The following RAB31 variants were observed in gnomAD, a reference collection of about 807,000 sequenced individuals.
RAB31 encodes the protein RAB31, member RAS oncogene family, also known as ras-related protein Rab-31.
Under a neutral mutation model 25.6 loss-of-function variants are expected in RAB31, and 21 were observed. The observed-to-expected ratio is 0.82, with a 90% CI of 0.58 to 1.18. The LOEUF is 1.18. RAB31 is among the 50% of genes most tolerant of loss of function. RAB31 has a pLI of 0.00. For synonymous variants in RAB31, 87 were observed against 84.0 expected, an observed-to-expected ratio of 1.04 and a Z score of -0.20; for missense variants, 196 against 250.1, an observed-to-expected ratio of 0.78 and a Z score of 1.46.
intron 1 of RAB31, 39 bp from the exon 2 acceptor site, chr18:9,775,239 G>A (rs753316756): frequency 1.2e-5 from 19 of 1,612,742 alleles, no homozygotes; most frequent in Middle Eastern, 1.6e-4. Context: ...GTGAGTTGCC[G>A]CCCTTCATCT....
chr18:9,827,756 A>T (rs1009165810), intron 5 of RAB31, among the ~76,000 whole-genome samples: 2 of 152,220 alleles, frequency 1.3e-5, no homozygotes, highest in African/African-American at 4.8e-5. Context: ...ATCAGCTCTC[A>T]GTCATTTGAT....
chr18:9,845,846 C>T (rs1309061935), intron 6 of RAB31, among the ~76,000 whole-genome samples, 155 bp downstream of exon 6: 4 of 152,164 alleles, frequency 2.6e-5, no homozygotes, highest in African/African-American at 9.7e-5. Context: ...GTTGTTAATA[C>T]CCACTTCTAT....
chr18:9,788,076 A>G, intron 2 of RAB31, among the ~76,000 whole-genome samples: 1 of 152,258 alleles, frequency 6.6e-6, no homozygotes, highest in East Asian at 1.9e-4. Flanking sequence ...GAAATATTTT[A>G]TTCAATTATT....
intron 1 of RAB31, among the ~76,000 whole-genome samples, chr18:9,740,581 C>T (rs563697381): frequency 1.3e-4 from 20 of 151,984 alleles, no homozygotes; most frequent in Admixed American, 7.9e-4. Flanking sequence ...GGCGTGGTGG[C>T]GCACACCTGT....
intron 1 of RAB31, among the ~76,000 whole-genome samples, chr18:9,733,212 A>G (rs1449063652): frequency 2.0e-5 from 3 of 152,220 alleles, no homozygotes; most frequent in Non-Finnish European, 4.4e-5. Flanking sequence ...TTGTGAGTCT[A>G]TAAGTTAGGA....
chr18:9,792,252 T>G lies in RAB31; in HGVS notation c.201+17T>G, dbSNP rs749307516. On this transcript the variant is annotated intron_variant, in intron 3 of 6. Transcript: ENST00000578921. ...CAGGAACGGGTGAGTATATGCTGTTTTTTGGTGAAAACAAGATCCAGTGAA... is the reference window on the plus strand; with the variant it reads ...CAGGAACGGGTGAGTATATGCTGTTGTTTGGTGAAAACAAGATCCAGTGAA... The G allele has an allele frequency of 6.2e-7, 1 of 1,604,016 alleles. No individual in the cohort carries two copies. Among genetic ancestry groups the G allele is most frequent in the Non-Finnish European group, 8.5e-7 (1 of 1,174,548 alleles).
At chr18:9,846,592 C>T (rs946897600) in intron 6 of RAB31, among the ~76,000 whole-genome samples, 3 of 152,168 alleles carry the variant, frequency 2.0e-5, no homozygotes, top group African/African-American at 7.2e-5. Context: ...TAATTGTCCT[C>T]AAATATCTTA....
chr18:9,714,819 G>T (rs1031144385), intron 1 of RAB31, among the ~76,000 whole-genome samples: 1 of 152,202 alleles, frequency 6.6e-6, no homozygotes, highest in Non-Finnish European at 1.5e-5. Context: ...CCAGCAGTGA[G>T]CTCTGTGGCA....
At chr18:9,774,556 T>C (rs910742907) in intron 1 of RAB31, among the ~76,000 whole-genome samples, 1 of 152,226 alleles carries the variant, frequency 6.6e-6, no homozygotes, top group African/African-American at 2.4e-5. Flanking sequence ...TTTGTTGATA[T>C]CACTTGTCTG....
chr18:9,854,059 G>A (rs1331788555), intron 6 of RAB31, among the ~76,000 whole-genome samples: 6 of 149,286 alleles, frequency 4.0e-5, no homozygotes, highest in South Asian at 2.1e-4. Context: ...TTTGCTGCAC[G>A]TATCAACACG....
chr18:9,780,175 C>CAA (rs11338062), intron 2 of RAB31, among the ~76,000 whole-genome samples: 3 of 106,080 alleles, frequency 2.8e-5, no homozygotes, highest in Non-Finnish European at 6.3e-5. Context: ...AATACTGTTC[C>CAA]AAAAAAAAAA....
chr18:9,741,376 C>CAAA lies in RAB31; in HGVS notation c.39+32957_39+32959dup, dbSNP rs71169903. Reference sequence around the variant, plus strand: ...TGGGCAACAGAGTAAAACTCCGTCTCAAAAAAAAAAAAAAAAAAAAAAAAA... The same window carrying CAAA: ...TGGGCAACAGAGTAAAACTCCGTCTCAAAAAAAAAAAAAAAAAAAAAAAAAAAA... On this transcript the variant is annotated intron_variant, in intron 1 of 6. Transcript: ENST00000578921. 4.2e-4 allele frequency among the ~76,000 whole-genome samples: 13 copies of CAAA among 31,224 alleles called. 1 individual carries two copies. Among genetic ancestry groups the CAAA allele is most frequent in the Non-Finnish European group, 6.0e-4 (9 of 14,884 alleles). 20.5% of individuals were successfully genotyped at this position (31,224 alleles called of 152,430 possible). A position where few individuals can be genotyped will look rare whatever the true frequency, so the allele number is the denominator to read the frequency against.
chr18:9,717,205 C>T (rs1050958530), intron 1 of RAB31, among the ~76,000 whole-genome samples: 3 of 152,122 alleles, frequency 2.0e-5, no homozygotes, highest in African/African-American at 7.2e-5. Flanking sequence ...TCCGAAAAGT[C>T]GGATTTAACA....
rs150497008 is a variant in RAB31, at chr18:9,767,560, A to G, written c.40-7718A>G. 1.2e-4 allele frequency among the ~76,000 whole-genome samples: 18 copies of G among 152,288 alleles called. No homozygotes were observed. The East Asian group carries it at 2.1e-3, about 18-fold the overall frequency. ...CAGTGCCCACTTTGATCGAGTCACA[A>G]TTATTCCCTGCAGGGCTGGGTCGAA... On this transcript the variant is annotated intron_variant, in intron 1 of 6. Coordinates refer to ENST00000578921, the MANE Select transcript of RAB31 (RefSeq NM_006868.4).
At chr18:9,749,349 A>AGAGGGAACG (rs1432543293) in intron 1 of RAB31, among the ~76,000 whole-genome samples, 2 of 120,838 alleles carry the variant, frequency 1.7e-5, no homozygotes. Flanking sequence ...CAGAGGGAAC[A>AGAGGGAACG]GAGGGAACAG....
chr18:9,810,826 C>T (rs911592886), intron 3 of RAB31, among the ~76,000 whole-genome samples: 1 of 151,972 alleles, frequency 6.6e-6, no homozygotes, highest in African/African-American at 2.4e-5. Context: ...CTACTTTGTG[C>T]GTTTACATGA....
At chr18:9,780,975 A>G (rs1452211227) in intron 2 of RAB31, among the ~76,000 whole-genome samples, 3 of 152,086 alleles carry the variant, frequency 2.0e-5, no homozygotes, top group African/African-American at 4.8e-5. Flanking sequence ...AACATAAATA[A>G]ATAATGTTAT....
rs533318332 is a variant in RAB31 at position 9,845,699 on chromosome 18, C to A, written c.490+8C>A. The A allele has an allele frequency of 2.0e-6, 3 of 1,536,848 alleles. No individual in the cohort carries two copies. In the South Asian group the frequency reaches 3.7e-5, roughly 19 times the overall value. ...AGCTCTTTCAAGGAATCAGTAAGTA[C>A]CTGAAATTGGGTTTTCAGCCCAACT... On this transcript the variant is annotated splice_region_variant and intron_variant, in intron 6 of 6. Coordinates refer to ENST00000578921, the MANE Select transcript of RAB31 (RefSeq NM_006868.4).
At chr18:9,739,371 C>G (rs1466448743) in intron 1 of RAB31, among the ~76,000 whole-genome samples, 2 of 152,088 alleles carry the variant, frequency 1.3e-5, no homozygotes, top group Non-Finnish European at 2.9e-5. Context: ...ACTCAGGAGG[C>G]TGAGGCAGGA....
Sources: gnomAD v4.1 joint callset for allele counts (sites outside exome capture counted in the v4.1 genomes callset) on GRCh38, gnomAD v4.1.1 for gene constraint, MANE v1.5 for transcripts, NCBI Gene and HGNC (gene_info 2026-07-23, HGNC 2026-07-21) for gene names.